MARCHF1: variants seen among roughly 807,000 people sequenced by gnomAD.
MARCHF1 encodes E3 ubiquitin-protein ligase MARCHF1.
In MARCHF1, 40 loss-of-function variants were observed where a neutral mutation model predicts 54.2. That is an observed-to-expected ratio of 0.74 (90% CI 0.57 to 0.96). The LOEUF (loss-of-function observed/expected upper bound fraction) is 0.96. MARCHF1 is among the 40% of genes least tolerant of loss of function. The pLI is 0.00. For missense variants in MARCHF1, 586 were observed against 656.5 expected, an observed-to-expected ratio of 0.89 and a Z score of 1.17; for synonymous variants, 236 against 236.3, an observed-to-expected ratio of 1.00 and a Z score of 0.01.
intron 3 of MARCHF1, among the ~76,000 whole-genome samples, chr4:163,871,629 A>G (rs1412171998): frequency 6.6e-6 from 1 of 152,214 alleles, no homozygotes; most frequent in Non-Finnish European, 1.5e-5. Flanking sequence ...ATCGCATTTT[A>G]TTATGTTAAA....
intron 2 of MARCHF1, among the ~76,000 whole-genome samples, chr4:164,026,790 A>G (rs1464967634): frequency 6.6e-6 from 1 of 152,080 alleles, no homozygotes; most frequent in African/African-American, 2.4e-5. Context: ...AAAAAAAAGT[A>G]GTAAAACTCT....
chr4:164,380,265 A>T (rs1475973726), intron 1 of MARCHF1, among the ~76,000 whole-genome samples: 1 of 152,072 alleles, frequency 6.6e-6, no homozygotes, highest in African/African-American at 2.4e-5. Flanking sequence ...TACTTCTTTA[A>T]CTGAAACTAA....
In MARCHF1 at chr4:163,528,866, T is replaced by A; in HGVS notation, c.1520A>T (p.Asn507Ile). ...GTCTGTGTTTACATTACATGAGAAG[T>A]TCTTCTCCAGTTTTTTGGCAGTGTC... Reference protein sequence around the residue: ...CPDTAKKLEKNFSCNVNTDIK... With the variant: ...CPDTAKKLEKIFSCNVNTDIK... The change falls in exon 10 of 10, where the codon AAC becomes ATC. Residue 507 changes from asparagine to isoleucine, a missense_variant. Around this residue, in one of 3 missense-constraint regions of MARCHF1, gnomAD observed 106 missense variants for 93.8 expected, o/e 1.13. Coordinates refer to ENST00000514618, the MANE Select transcript of MARCHF1 (RefSeq NM_001394959.1). 1.9e-6 allele frequency: 3 copies of A among 1,613,298 alleles called. No individual in the cohort carries two copies. Among genetic ancestry groups the A allele is most frequent in the South Asian group, 2.2e-5 (2 of 91,072 alleles).
chr4:163,742,974 T>A (rs1380421578), intron 4 of MARCHF1, among the ~76,000 whole-genome samples: 2 of 152,228 alleles, frequency 1.3e-5, no homozygotes, highest in African/African-American at 4.8e-5. Context: ...CTTTGAATGG[T>A]TGAAACTAAA....
At chr4:164,153,044 A>G (rs1729985515) in intron 1 of MARCHF1, among the ~76,000 whole-genome samples, 2 of 152,200 alleles carry the variant, frequency 1.3e-5, no homozygotes, top group South Asian at 4.1e-4. Context: ...AAGCTGTGTC[A>G]TGAGCCATGA....
rs547649724 is a variant in MARCHF1, at chr4:163,932,674, G to C, written c.-39+55827C>G. The C allele has an allele frequency of 8.1e-6, 4 of 496,122 alleles. No homozygotes were observed. The East Asian group carries it at 1.4e-4, about 18-fold the overall frequency. The allele number at this position is 496,122 out of a possible 1,614,324, so 30.7% of individuals were successfully genotyped here. A position where few individuals can be genotyped will look rare whatever the true frequency, so the allele number is the denominator to read the frequency against. On this transcript the variant is annotated intron_variant, in intron 3 of 9. Transcript: ENST00000514618. ...TCCGTGGCCTACATGAGTGCGGTTG[G>C]GGGCTGCAGGTCCACCTGCAGGGTC... is the stretch of plus-strand genomic sequence containing the variant.
At chr4:163,849,749 CAGG>C (rs1462693180) in intron 4 of MARCHF1, among the ~76,000 whole-genome samples, 2 of 152,072 alleles carry the variant, frequency 1.3e-5, no homozygotes, top group Admixed American at 6.5e-5. Context: ...ATAATAGCAG[CAGG>C]AGAACTCTGC....
chr4:163,695,612 G>C (rs1579203047), intron 5 of MARCHF1, among the ~76,000 whole-genome samples: 1 of 152,150 alleles, frequency 6.6e-6, no homozygotes, highest in Non-Finnish European at 1.5e-5. Flanking sequence ...TGTTAAGCTA[G>C]TGGCTTTTGA....
intron 1 of MARCHF1, among the ~76,000 whole-genome samples, chr4:164,185,340 T>C (rs190288308): frequency 6.4e-4 from 98 of 152,342 alleles, no homozygotes; most frequent in African/African-American, 2.2e-3. Flanking sequence ...TGAATTTGTC[T>C]TTTATTTAAA....
At position 163,758,461 on chromosome 4, in the gene MARCHF1, A is replaced by T. The variant is rs72683501; in HGVS notation, c.112-57598T>A. On this transcript the variant is annotated intron_variant, in intron 4 of 9. Transcript: ENST00000514618. ...ACTGTCGTATGTGATATTTTATTTA[A>T]AAAGGGGGCTAAGGTATTAATTAAA... is the stretch of plus-strand genomic sequence containing the variant. Among the ~76,000 whole-genome samples the T allele has an allele frequency of 6.8e-3, 1,034 of 152,082 alleles. 8 individuals are homozygous for T. The highest frequency in any genetic ancestry group is 0.011 in the Non-Finnish European group (745 of 68,020).
Position 163,527,560 on chromosome 4 carries a change from T to C in MARCHF1, c.*1188A>G, listed in dbSNP as rs1245678299. The C allele has an allele frequency of 6.6e-6, 1 of 152,116 alleles. No individual in the cohort carries two copies. The highest frequency in any genetic ancestry group is 1.9e-4 in the East Asian group (1 of 5,196). 9.4% of individuals were successfully genotyped at this position (152,116 alleles called of 1,614,324 possible). ...TCTATACTTTTGGATTTTTACCCTT[T>C]AGAGATGTGAACTTCATCTGACTTT... On this transcript the variant is annotated 3_prime_UTR_variant, in exon 10 of 10. Coordinates refer to ENST00000514618, the MANE Select transcript of MARCHF1 (RefSeq NM_001394959.1).
intron 2 of MARCHF1, among the ~76,000 whole-genome samples, chr4:164,095,411 CACAA>C (rs903112467): frequency 3.4e-5 from 5 of 146,400 alleles, no homozygotes; most frequent in African/African-American, 5.1e-5. Context: ...TACACACACA[CACAA>C]ACACACACAC....
At chr4:163,628,027 A>G (rs1560983244) in intron 5 of MARCHF1, among the ~76,000 whole-genome samples, 1 of 152,160 alleles carries the variant, frequency 6.6e-6, no homozygotes, top group Admixed American at 6.5e-5. Flanking sequence ...AGTAGAAAAG[A>G]TTTTCTAGAT....
intron 1 of MARCHF1, among the ~76,000 whole-genome samples, chr4:164,276,392 T>A (rs1028091670): frequency 7.9e-5 from 12 of 152,136 alleles, no homozygotes; most frequent in African/African-American, 2.4e-4. Flanking sequence ...CCTCAAAGAT[T>A]AATCTGCCTC....
At chr4:163,999,653 T>C (rs1318987140) in intron 2 of MARCHF1, among the ~76,000 whole-genome samples, 2 of 151,622 alleles carry the variant, frequency 1.3e-5, no homozygotes, top group Non-Finnish European at 3.0e-5. Context: ...CATTATAAAT[T>C]TGAATTATTG....
At chr4:163,659,432 T>A (rs1284700949) in intron 5 of MARCHF1, among the ~76,000 whole-genome samples, 1 of 151,832 alleles carries the variant, frequency 6.6e-6, no homozygotes, top group Non-Finnish European at 1.5e-5. Flanking sequence ...AAATGTAAAA[T>A]CTGAAACCGT....
intron 4 of MARCHF1, among the ~76,000 whole-genome samples, chr4:163,715,410 G>A (rs2111267619): frequency 6.6e-6 from 1 of 152,178 alleles, no homozygotes; most frequent in Middle Eastern, 3.4e-3. Context: ...CAGATGAGCC[G>A]AAATTTTAAA....
chr4:164,257,696 G>A (rs977847947), intron 1 of MARCHF1, among the ~76,000 whole-genome samples: 2 of 152,028 alleles, frequency 1.3e-5, no homozygotes, highest in African/African-American at 4.8e-5. Context: ...GGCCAGGCAT[G>A]GCAGCTCACG....
intron 1 of MARCHF1, among the ~76,000 whole-genome samples, chr4:164,216,966 A>G (rs890620143): frequency 6.6e-6 from 1 of 152,234 alleles, no homozygotes; most frequent in Non-Finnish European, 1.5e-5. Context: ...GGAAAGTAGG[A>G]TATTTTTACC....
Sources: allele counts gnomAD v4.1 joint callset (sites outside exome capture counted in the v4.1 genomes callset), GRCh38; gene constraint gnomAD v4.1.1; regional missense constraint gnomAD v4.1.1; transcripts MANE v1.5; gene names NCBI Gene and HGNC (gene_info 2026-07-23, HGNC 2026-07-21).